The following MPP7 variants were observed in gnomAD, a reference collection of about 807,000 sequenced individuals.
The protein encoded by MPP7 is MAGUK p55 subfamily member 7.
A neutral mutation model predicts 76.5 loss-of-function variants in MPP7; 60 were observed. The observed-to-expected ratio is 0.78, with a 90% confidence interval of 0.64 to 0.97. MPP7 has a LOEUF of 0.97. MPP7 is among the 50% of genes least tolerant of loss of function. The probability of loss-of-function intolerance (pLI) is 0.00; values close to 1 mark genes in which losing one functional copy is unlikely to be tolerated. For synonymous variants in MPP7, 237 were observed against 244.5 expected (o/e 0.97, Z 0.29); for missense variants, 641 against 694.0 (o/e 0.92, Z 0.86).
intron 2 of MPP7, among the ~76,000 whole-genome samples, chr10:28,227,653 T>C (rs1367086945): frequency 3.3e-5 from 5 of 152,172 alleles, no homozygotes; most frequent in Non-Finnish European, 5.9e-5. Context: ...GTTGATCTTG[T>C]TCCTTTTTAT....
chr10:28,190,624 A>C (rs1052016959), intron 3 of MPP7, among the ~76,000 whole-genome samples: 3 of 152,220 alleles, frequency 2.0e-5, no homozygotes, highest in African/African-American at 4.8e-5. Context: ...GTGGAAATGA[A>C]AATACAACTT....
At chr10:28,111,877 C>T (rs1254929615) in intron 11 of MPP7, among the ~76,000 whole-genome samples, 1 of 152,106 alleles carries the variant, frequency 6.6e-6, no homozygotes, top group Non-Finnish European at 1.5e-5. Flanking sequence ...AGTCAAGGTA[C>T]AAAGCATTTC....
At chr10:28,128,266 G>A (rs908891679) in intron 6 of MPP7, among the ~76,000 whole-genome samples, 2 of 152,188 alleles carry the variant, frequency 1.3e-5, no homozygotes, top group Non-Finnish European at 2.9e-5. Context: ...TAGACCAGAA[G>A]TGTTTCAGAT....
intron 1 of MPP7, among the ~76,000 whole-genome samples, chr10:28,257,839 G>A (rs182215986): frequency 3.3e-4 from 50 of 151,510 alleles, no homozygotes; most frequent in African/African-American, 1.1e-3. Flanking sequence ...TGCAATTCCT[G>A]ATCAATACAA....
At chr10:28,253,383 C>T (rs1348525460) in intron 1 of MPP7, among the ~76,000 whole-genome samples, 1 of 151,876 alleles carries the variant, frequency 6.6e-6, no homozygotes. Context: ...GTAGTGAGCC[C>T]GACAAATGTA....
At chr10:28,170,361 G>T (rs971205606) in intron 3 of MPP7, among the ~76,000 whole-genome samples, 1 of 151,250 alleles carries the variant, frequency 6.6e-6, no homozygotes, top group African/African-American at 2.4e-5. Context: ...ATAAAGATGG[G>T]GTCTTGCTAT....
chr10:28,159,539 C>T (rs917611831), intron 3 of MPP7, among the ~76,000 whole-genome samples: 1 of 152,154 alleles, frequency 6.6e-6, no homozygotes, highest in African/African-American at 2.4e-5. Flanking sequence ...GCTGAATTCT[C>T]CTATCAGCTC....
rs1190326893 is a variant in MPP7 at position 28,120,308 on chromosome 10, T to A, written c.773A>T (p.Lys258Met). ...PCKEAGLSFK[K>M]GDILQIMSQD... ...GCTCATAATCTGAAGAATATCTCCC[T>A]TTTTGAAAGAAAGCCCAGCTTCCTT... The change falls in exon 10 of 17, where the codon AAG becomes ATG. Residue 258 changes from lysine (K) to methionine (M), a missense_variant. By Grantham distance (95) the Lys-to-Met change is moderately conservative. Transcript: ENST00000683449. The A allele has an allele frequency of 6.2e-7, 1 of 1,613,914 alleles. No individual in the cohort carries two copies. The highest frequency in any genetic ancestry group is 1.3e-5 in the African/African-American group (1 of 74,902).
chr10:28,106,475 T>A lies in MPP7; in HGVS notation c.952+13176A>T, dbSNP rs552456549. Among the ~76,000 whole-genome samples the A allele has an allele frequency of 4.3e-4, 66 of 152,326 alleles. 1 individual carries two copies. The highest frequency in any genetic ancestry group is 1.4e-3 in the African/African-American group (59 of 41,574). Reference sequence around the variant, plus strand: ...CATAAGTTGATTATATTGGGGGCTGTTTAGCCAACGGTTATTTAGAGGGGT... The same window carrying A: ...CATAAGTTGATTATATTGGGGGCTGATTAGCCAACGGTTATTTAGAGGGGT... On this transcript the variant is annotated intron_variant, in intron 11 of 16. Transcript: ENST00000683449.
intron 11 of MPP7, among the ~76,000 whole-genome samples, chr10:28,095,129 T>C (rs1394389835): frequency 6.6e-6 from 1 of 150,858 alleles, no homozygotes; most frequent in Admixed American, 6.7e-5. Flanking sequence ...ACTCCCCTGA[T>C]TCACAAATAC....
intron 2 of MPP7, among the ~76,000 whole-genome samples, chr10:28,237,133 A>C (rs1006706696): frequency 6.6e-6 from 1 of 152,164 alleles, no homozygotes; most frequent in Non-Finnish European, 1.5e-5. Context: ...TCCTCCTTCA[A>C]GTTATATGTA....
At chr10:28,140,421 G>C (rs764352764) in intron 5 of MPP7, among the ~76,000 whole-genome samples, 3 of 152,092 alleles carry the variant, frequency 2.0e-5, no homozygotes, top group Non-Finnish European at 4.4e-5. Context: ...TGAGGCAGGA[G>C]AATTGCTTGA....
rs61610224 is a variant in MPP7, at chr10:28,128,657, C to T, written c.447+2903G>A. Among the ~76,000 whole-genome samples, 504 of 152,220 alleles carry T rather than the reference C, an allele frequency of 3.3e-3. 1 individual carries two copies. Among genetic ancestry groups the T allele is most frequent in the African/African-American group, 0.011 (451 of 41,522 alleles). On this transcript the variant is annotated intron_variant, in intron 6 of 16. Transcript: ENST00000683449. ...TGAGCAGCTGGAAGGATGGAATTGC[C>T]ATCAACTAAAAGGGGTTAAGACAAG...
intron 3 of MPP7, among the ~76,000 whole-genome samples, chr10:28,155,598 C>CAAAAAAA (rs71391013): frequency 0.083 from 10,356 of 124,038 alleles, 880 homozygotes; most frequent in African/African-American, 0.19. Flanking sequence ...ACCCTGTCTC[C>CAAAAAAA]AAAAAAAAAA....
At chr10:28,149,960 G>A in intron 4 of MPP7, 22 bp downstream of exon 4, 3 of 1,606,130 alleles carry the variant, frequency 1.9e-6, no homozygotes, top group South Asian at 1.1e-5. Flanking sequence ...ACATCCCAGT[G>A]AGCTCGGAGA....
At position 28,230,540 on chromosome 10, in the gene MPP7, G is replaced by A. The variant is rs867483812; in HGVS notation, c.37+8028C>T. 3.9e-5 allele frequency among the ~76,000 whole-genome samples: 6 copies of A among 152,050 alleles called. No homozygotes were observed. In the South Asian group the frequency reaches 8.3e-4, roughly 21 times the overall value. ...TTAAATATACAAAAGAAGGCCAGGC[G>A]CAGTGGCTCACGCCTGTAATCCCAG... On this transcript the variant is annotated intron_variant, in intron 2 of 16. Transcript: ENST00000683449.
At chr10:28,272,909 G>GT (rs74345938) in intron 1 of MPP7, among the ~76,000 whole-genome samples, 94 of 151,700 alleles carry the variant, frequency 6.2e-4, no homozygotes, top group Non-Finnish European at 1.1e-3. Flanking sequence ...AAAATGGTTT[G>GT]TTTTTTTTGT....
At chr10:28,267,213 C>T (rs11006971) in intron 1 of MPP7, among the ~76,000 whole-genome samples, 1 of 152,130 alleles carries the variant, frequency 6.6e-6, no homozygotes, top group Non-Finnish European at 1.5e-5. Context: ...ACCACTGGAC[C>T]TGCAAAGCTT....
intron 1 of MPP7, among the ~76,000 whole-genome samples, chr10:28,288,600 T>C (rs72803694): frequency 5.8e-4 from 89 of 152,290 alleles, no homozygotes; most frequent in Non-Finnish European, 1.0e-3. Context: ...ATATTTCTAA[T>C]ATGGTAAACA....
Sources: allele counts gnomAD v4.1 joint callset (sites outside exome capture counted in the v4.1 genomes callset), GRCh38; gene constraint gnomAD v4.1.1; transcripts MANE v1.5; gene names NCBI Gene and HGNC (gene_info 2026-07-23, HGNC 2026-07-21).